TEX15: variants seen among roughly 807,000 people sequenced by gnomAD.
The protein encoded by TEX15 is testis expressed 15, meiosis and synapsis associated, also known as testis-expressed protein 15.
A neutral mutation model predicts 237.3 loss-of-function variants in TEX15; 171 were observed. The observed-to-expected ratio is 0.72, with a 90% CI of 0.64 to 0.82. The LOEUF is 0.82. Ranked by LOEUF, TEX15 falls within the 40% of genes least tolerant of loss-of-function variation. The pLI is 0.00. For synonymous variants in TEX15, 1,338 were observed against 1,269.8 expected (o/e 1.05, Z -1.14); for missense variants, 3,750 against 3,646.5 (o/e 1.03, Z -0.73).
At chr8:30,850,225 T>C (rs778271514) in intron 7 of TEX15, among the ~76,000 whole-genome samples, 25 of 152,074 alleles carry the variant, frequency 1.6e-4, no homozygotes, top group African/African-American at 2.4e-4. Flanking sequence ...AAATAATATA[T>C]GCAAATAAAA....
chr8:30,839,857 C>T (rs1214242672), intron 9 of TEX15, 49 bp downstream of exon 9: 3 of 1,300,246 alleles, frequency 2.3e-6, no homozygotes, highest in Admixed American at 2.1e-5. Flanking sequence ...TAGTATTTGC[C>T]CAATTTTGTT....
intron 2 of TEX15, among the ~76,000 whole-genome samples, chr8:30,894,112 A>G (rs537517722): frequency 6.6e-6 from 1 of 152,156 alleles, no homozygotes; most frequent in Non-Finnish European, 1.5e-5. Context: ...TTTGGTTCTT[A>G]AAAAAATCTG....
intron 5 of TEX15, 95 bp from the exon 6 acceptor site, chr8:30,860,152 G>GT (rs1045650324): frequency 9.8e-6 from 11 of 1,126,380 alleles, no homozygotes; most frequent in East Asian, 5.4e-5. Flanking sequence ...ACATTGCTTT[G>GT]TTTTTCTGAG....
At chr8:30,888,459 T>C (rs902331125) in intron 2 of TEX15, among the ~76,000 whole-genome samples, 5 of 152,026 alleles carry the variant, frequency 3.3e-5, no homozygotes, top group Admixed American at 6.6e-5. Flanking sequence ...GTATCAAAAA[T>C]ATTCCTCCCC....
In TEX15 at chr8:30,837,167, A is replaced by G; in HGVS notation, c.9117T>C (p.Tyr3039=). 1 of 1,614,120 alleles carries G rather than the reference A, an allele frequency of 6.2e-7. No homozygotes were observed. Among genetic ancestry groups the G allele is most frequent in the Non-Finnish European group, 8.5e-7 (1 of 1,179,996 alleles). ...NSSEHLFGTS[Y]PYSAWCVYQY... ...GATAAACACACCAAGCAGAGTATGG[A>G]TATGAAGTTCCAAATAAATGCTCAG... Residue 3039 remains tyrosine, a synonymous_variant, in exon 10 of 11, where the codon TAT becomes TAC. Coordinates refer to ENST00000643185, the MANE Select transcript of TEX15 (RefSeq NM_001350162.2).
chr8:30,845,489 G>T lies in TEX15; in HGVS notation c.4678C>A (p.Pro1560Thr). 6.2e-7 allele frequency: 1 copy of T among 1,613,382 alleles called. No individual in the cohort carries two copies. ...FSGKTAYLFS[P>T]DHSDEKLIEK... ...ATTAGTTTCTCATCTGAGTGGTCTG[G>T]GGAAAACAGATATGCAGTTTTTCCA... The change falls in exon 8 of 11, where the codon CCA (proline) becomes ACA (threonine). Residue 1560 changes from proline to threonine, a missense_variant. Coordinates refer to ENST00000643185, the MANE Select transcript of TEX15 (RefSeq NM_001350162.2).
At chr8:30,862,124 T>A (rs1808064249) in intron 5 of TEX15, among the ~76,000 whole-genome samples, 1 of 152,158 alleles carries the variant, frequency 6.6e-6, no homozygotes, top group Admixed American at 6.5e-5. Flanking sequence ...GATGTAAAAA[T>A]GTACATACTT....
In TEX15 at chr8:30,846,175, G is replaced by A. The variant is rs148956340; in HGVS notation, c.3992C>T (p.Thr1331Ile). 6.2e-7 allele frequency: 1 copy of A among 1,613,182 alleles called. No individual in the cohort carries two copies. The highest frequency in any genetic ancestry group is 8.5e-7 in the Non-Finnish European group (1 of 1,179,570). The change falls in exon 8 of 11, where the codon ACC becomes ATC. Residue 1331 changes from threonine to isoleucine, a missense_variant. Coordinates refer to ENST00000643185, the MANE Select transcript of TEX15 (RefSeq NM_001350162.2). ...GAAACACTCAGATGAGTCTTGACTG[G>A]TTAGCCTCCTCTTTCTCCCATAAAT... Reference protein sequence around the residue: ...HKIYGRKRRLTSQDSSECFSS... With the variant: ...HKIYGRKRRLISQDSSECFSS...
At position 30,846,595 on chromosome 8, in the gene TEX15, G is replaced by T. The variant is rs755875967; in HGVS notation, c.3572C>A (p.Pro1191Gln). Residue 1191 changes from proline to glutamine, a missense_variant, in exon 8 of 11, where the codon CCG becomes CAG. Coordinates refer to ENST00000643185, the MANE Select transcript of TEX15 (RefSeq NM_001350162.2). ...FCTHVTEATK[P>Q]EINKEDGEIL... ...TTCTCCATCTTCCTTATTTATTTCCGGTTTTGTGGCTTCAGTTACATGTGT... is the reference window on the plus strand; with the variant it reads ...TTCTCCATCTTCCTTATTTATTTCCTGTTTTGTGGCTTCAGTTACATGTGT... The T allele has an allele frequency of 8.1e-6, 13 of 1,613,744 alleles. No individual in the cohort carries two copies. The highest frequency in any genetic ancestry group is 1.0e-5 in the Non-Finnish European group (12 of 1,179,766).
chr8:30,912,038 C>G (rs548666230), intron 1 of TEX15, among the ~76,000 whole-genome samples: 154 of 152,342 alleles, frequency 1.0e-3, no homozygotes, highest in African/African-American at 3.3e-3. Context: ...AGCGCCGGGA[C>G]ACGCGGCACC....
Position 30,847,286 on chromosome 8 carries a change from C to A in TEX15, c.2881G>T (p.Val961Leu). ...AATGTCGTGGAAGCCAAATGCTCTA[C>A]ACTTCTTCCAGTATTTTCAGTATCT... is the stretch of plus-strand genomic sequence containing the variant. The part of the protein sequence containing the change: ...QKDTENTGRS[V>L]EHLASTTFPK... Residue 961 changes from valine to leucine, a missense_variant, in exon 8 of 11, where the codon GTA becomes TTA. Transcript: ENST00000643185. The A allele has an allele frequency of 1.2e-6, 2 of 1,613,992 alleles. No homozygotes were observed. The highest frequency in any genetic ancestry group is 1.7e-6 in the Non-Finnish European group (2 of 1,179,882).
intron 5 of TEX15, among the ~76,000 whole-genome samples, chr8:30,864,479 G>A (rs957307837): frequency 6.6e-6 from 1 of 151,164 alleles, no homozygotes; most frequent in African/African-American, 2.4e-5. Context: ...TAGGAGGATC[G>A]CTAGAGCCTG....
chr8:30,878,096 CTTTT>C (rs36096573), intron 3 of TEX15, among the ~76,000 whole-genome samples: 12 of 118,196 alleles, frequency 1.0e-4, no homozygotes, highest in Admixed American at 2.7e-4. Flanking sequence ...GTAAAGATTG[CTTTT>C]TTTTTTTTTT....
intron 10 of TEX15, among the ~76,000 whole-genome samples, chr8:30,836,205 GTTTTT>G (rs33984716): frequency 4.6e-5 from 2 of 43,264 alleles, no homozygotes; most frequent in East Asian, 8.6e-4. Flanking sequence ...TCACTGTATC[GTTTTT>G]TTTTTTTTTT....
In TEX15 at chr8:30,874,965, C is replaced by T; in HGVS notation, c.274G>A (p.Glu92Lys). ...FGDTKLVHNE[E>K]LEKNFTAKRS... ...TTAGCAGTAAAATTTTTTTCCAGTT[C>T]CTCATTGTGAACCAGTTTTGTATCC... Residue 92 changes from glutamate to lysine, a missense_variant, in exon 4 of 11, where the codon GAA becomes AAA. Coordinates refer to ENST00000643185, the MANE Select transcript of TEX15 (RefSeq NM_001350162.2). 7.4e-7 allele frequency: 1 copy of T among 1,354,626 alleles called. No individual in the cohort carries two copies. Among genetic ancestry groups the T allele is most frequent in the Non-Finnish European group, 9.5e-7 (1 of 1,053,684 alleles). The allele number at this position is 1,354,626 out of a possible 1,614,324, so 83.9% of individuals were successfully genotyped here. A position where few individuals can be genotyped will look rare whatever the true frequency, so the allele number is the denominator to read the frequency against.
rs1809265246 is a variant in TEX15 at position 30,912,990 on chromosome 8, C to G, written c.-197G>C. 6.6e-6 allele frequency: 1 copy of G among 152,438 alleles called. No individual in the cohort carries two copies. The highest frequency in any genetic ancestry group is 1.5e-5 in the Non-Finnish European group (1 of 68,230). 9.4% of individuals were successfully genotyped at this position (152,438 alleles called of 1,614,324 possible). Reference sequence around the variant, plus strand: ...TCAGGAACACAGCAGCACCCCCCAGCGAGGTGCGCACAGTGAGCAGGCAGC... The same window carrying G: ...TCAGGAACACAGCAGCACCCCCCAGGGAGGTGCGCACAGTGAGCAGGCAGC... On this transcript the variant is annotated 5_prime_UTR_variant, in exon 1 of 11. Transcript: ENST00000643185.
chr8:30,872,837 CAT>C (rs1205558699), intron 4 of TEX15, among the ~76,000 whole-genome samples: 1 of 152,060 alleles, frequency 6.6e-6, no homozygotes, highest in Non-Finnish European at 1.5e-5. Context: ...TTTTAAGCTA[CAT>C]GTTATTACAA....
rs1022928375 is a variant in TEX15, at chr8:30,842,268, G to A, written c.7899C>T (p.Thr2633=). The change falls in exon 8 of 11, where the codon ACC becomes ACT. Residue 2633 remains threonine, a synonymous_variant. Transcript: ENST00000643185. ...KMICTKNAEL[T]ISFFLCQMLY... ...GCATTTGGCATAGGAAAAAGGAAAT[G>A]GTTAGTTCAGCATTTTTAGTACATA... The A allele has an allele frequency of 7.4e-6, 12 of 1,613,570 alleles. No individual in the cohort carries two copies. The highest frequency in any genetic ancestry group is 4.0e-5 in the African/African-American group (3 of 74,908).
chr8:30,887,199 G>A lies in TEX15; in HGVS notation c.104C>T (p.Thr35Ile). The A allele has an allele frequency of 6.5e-7, 1 of 1,534,866 alleles. No individual in the cohort carries two copies. The highest frequency in any genetic ancestry group is 8.7e-7 in the Non-Finnish European group (1 of 1,146,506). ...TREVNPLKKF[T>I]IPKIRRTAEK... ...AGCTGTCCTCCTGATCTTAGGAATG[G>A]TGAATTTCTTCAAAGGATTGACTTC... is the stretch of plus-strand genomic sequence containing the variant. Residue 35 changes from threonine to isoleucine, a missense_variant, in exon 3 of 11, where the codon ACC becomes ATC. Physicochemically the swap from Thr to Ile is moderately conservative, Grantham distance 89 (BLOSUM62 -1). Transcript: ENST00000643185.
Sources: allele counts gnomAD v4.1 joint callset (sites outside exome capture counted in the v4.1 genomes callset), GRCh38; gene constraint gnomAD v4.1.1; transcripts MANE v1.5; gene names NCBI Gene and HGNC (gene_info 2026-07-23, HGNC 2026-07-21).